MAN1A2: variants seen among roughly 807,000 people sequenced by gnomAD.
MAN1A2 encodes the protein mannosyl-oligosaccharide 1,2-alpha-mannosidase IB.
A neutral mutation model predicts 75.7 loss-of-function variants in MAN1A2; 26 were observed. That is an observed-to-expected ratio of 0.34 (90% CI 0.25 to 0.48). The LOEUF is 0.48. Ranked by LOEUF, MAN1A2 falls within the 20% of genes least tolerant of loss-of-function variation. The pLI is 0.99. For missense variants in MAN1A2, 562 were observed against 775.5 expected (o/e 0.72, Z 3.27); for synonymous variants, 247 against 264.6 (o/e 0.93, Z 0.65).
intron 8 of MAN1A2, among the ~76,000 whole-genome samples, chr1:117,467,846 G>C (rs1650028572): frequency 6.6e-6 from 1 of 151,904 alleles, no homozygotes; most frequent in Non-Finnish European, 1.5e-5. Context: ...ATTATGTTCA[G>C]TTCCTGTCTT....
At chr1:117,379,224 T>A (rs548288516) in intron 1 of MAN1A2, among the ~76,000 whole-genome samples, 169 of 152,204 alleles carry the variant, frequency 1.1e-3, no homozygotes, top group Non-Finnish European at 1.0e-3. Context: ...CCTGTGTGAC[T>A]TATTGAAGAG....
chr1:117,382,598 T>C (rs1281759077), intron 1 of MAN1A2, among the ~76,000 whole-genome samples: 6 of 152,214 alleles, frequency 3.9e-5, no homozygotes, highest in South Asian at 4.1e-4. Flanking sequence ...TGTAGTATAG[T>C]TTGAAGTCAG....
At position 117,482,168 on chromosome 1, in the gene MAN1A2, C is replaced by T. The variant is rs889458277; in HGVS notation, c.1169-10979C>T. 3.9e-5 allele frequency among the ~76,000 whole-genome samples: 6 copies of T among 151,906 alleles called. No individual in the cohort carries two copies. The South Asian group carries it at 1.0e-3, about 26-fold the overall frequency. The stretch of plus-strand genomic sequence containing the variant: ...TGTTGGTTTGCTGTACCCATCAACT[C>T]ATCATTTACAACTCACCGTATGTCT... On this transcript the variant is annotated intron_variant, in intron 8 of 12. Coordinates refer to ENST00000356554, the MANE Select transcript of MAN1A2 (RefSeq NM_006699.5).
intron 7 of MAN1A2, among the ~76,000 whole-genome samples, chr1:117,462,279 A>G (rs1203679051): frequency 6.6e-6 from 1 of 152,182 alleles, no homozygotes; most frequent in Non-Finnish European, 1.5e-5. Context: ...ACGTAGAAGC[A>G]TTGTTTATAT....
intron 8 of MAN1A2, among the ~76,000 whole-genome samples, chr1:117,466,873 C>T (rs1396395056): frequency 6.6e-6 from 1 of 152,042 alleles, no homozygotes; most frequent in Non-Finnish European, 1.5e-5. Flanking sequence ...TCATTATTTA[C>T]CAGTCTCTGT....
At chr1:117,370,803 TTAAC>T (rs1377476028) in intron 1 of MAN1A2, among the ~76,000 whole-genome samples, 8 of 151,150 alleles carry the variant, frequency 5.3e-5, no homozygotes, top group Non-Finnish European at 8.8e-5. Context: ...GAATGTTACT[TTAAC>T]TAATAAGTAA....
chr1:117,388,202 A>G (rs530134757), intron 1 of MAN1A2, among the ~76,000 whole-genome samples: 22 of 152,308 alleles, frequency 1.4e-4, no homozygotes, highest in Non-Finnish European at 2.6e-4. Context: ...AAGACAAATT[A>G]GAGACACTTG....
chr1:117,492,785 T>C (rs1235898493), intron 8 of MAN1A2, among the ~76,000 whole-genome samples: 1 of 152,082 alleles, frequency 6.6e-6, no homozygotes, highest in Non-Finnish European at 1.5e-5. Context: ...AGTTGAGCTT[T>C]CATATTTAGA....
chr1:117,431,012 G>C (rs944647339), intron 5 of MAN1A2, among the ~76,000 whole-genome samples: 44 of 130,720 alleles, frequency 3.4e-4, no homozygotes, highest in African/African-American at 1.1e-3. Context: ...GCTGGAGACC[G>C]GCCCGGCCAA....
chr1:117,435,724 A>G (rs1241287466), intron 5 of MAN1A2, among the ~76,000 whole-genome samples: 2 of 152,202 alleles, frequency 1.3e-5, no homozygotes, highest in African/African-American at 2.4e-5. Flanking sequence ...TATTTTTTCT[A>G]TTTTTGAAAC....
At chr1:117,480,685 GC>G (rs1173620477) in intron 8 of MAN1A2, among the ~76,000 whole-genome samples, 6 of 151,512 alleles carry the variant, frequency 4.0e-5, no homozygotes, top group Admixed American at 2.6e-4. Context: ...TCTAACAGTT[GC>G]CCTTGAATTT....
intron 6 of MAN1A2, among the ~76,000 whole-genome samples, chr1:117,457,302 G>C (rs61805793): frequency 6.6e-6 from 1 of 151,728 alleles, no homozygotes; most frequent in Non-Finnish European, 1.5e-5. Flanking sequence ...TGTTACTCAG[G>C]TTCTCTGAGT....
At chr1:117,440,533 T>C (rs1648996292) in intron 5 of MAN1A2, among the ~76,000 whole-genome samples, 2 of 152,170 alleles carry the variant, frequency 1.3e-5, no homozygotes, top group African/African-American at 4.8e-5. Context: ...TTTATATATT[T>C]ATAAATTAAG....
intron 8 of MAN1A2, among the ~76,000 whole-genome samples, chr1:117,486,506 T>G (rs1650705129): frequency 6.6e-6 from 1 of 152,002 alleles, no homozygotes; most frequent in Non-Finnish European, 1.5e-5. Flanking sequence ...AATTCTCCAC[T>G]TTAGTCAAAT....
chr1:117,428,947 C>T (rs1332489615), intron 5 of MAN1A2, among the ~76,000 whole-genome samples: 7 of 139,704 alleles, frequency 5.0e-5, no homozygotes, highest in Non-Finnish European at 9.3e-5. Context: ...GAGGACCCTG[C>T]GGCCTTCCGC....
In MAN1A2 at chr1:117,496,767, T is replaced by C. The variant is rs780738458; in HGVS notation, c.1289T>C (p.Ile430Thr). 2 of 1,607,136 alleles carry C rather than the reference T, an allele frequency of 1.2e-6. No individual in the cohort carries two copies. Among genetic ancestry groups the C allele is most frequent in the Non-Finnish European group, 1.7e-6 (2 of 1,174,704 alleles). ...AATATCTTTTCTTTCCTGTAGGCTATAGAAAAACATCTTATTAAGAAGTCT... is the reference window on the plus strand; with the variant it reads ...AATATCTTTTCTTTCCTGTAGGCTACAGAAAAACATCTTATTAAGAAGTCT... ...RKMYDDAIEA[I>T]EKHLIKKSRG... Residue 430 changes from isoleucine (I) to threonine (T), a missense_variant, in exon 10 of 13, where the codon ATA becomes ACA. Physicochemically the swap from Ile to Thr is moderately conservative, Grantham distance 89. Around this residue, in one of 2 missense-constraint regions of MAN1A2, gnomAD observed 434 missense variants for 645.7 expected, o/e 0.67. Coordinates refer to ENST00000356554, the MANE Select transcript of MAN1A2 (RefSeq NM_006699.5).
At chr1:117,451,956 C>G (rs1649431430) in intron 6 of MAN1A2, among the ~76,000 whole-genome samples, 1 of 151,928 alleles carries the variant, frequency 6.6e-6, no homozygotes. Context: ...CCACTGCACT[C>G]CAGCCTGGGG....
intron 8 of MAN1A2, among the ~76,000 whole-genome samples, chr1:117,492,713 C>G (rs1269874023): frequency 6.6e-6 from 1 of 151,942 alleles, no homozygotes; most frequent in Non-Finnish European, 1.5e-5. Context: ...TTAGGAATTA[C>G]CATTAACCAT....
intron 11 of MAN1A2, 45 bp downstream of exon 11, chr1:117,499,599 A>G (rs756555461): frequency 1.8e-5 from 27 of 1,466,620 alleles, no homozygotes; most frequent in Admixed American, 3.9e-5. Flanking sequence ...GTGTTAACTC[A>G]TGCCCTCCTA....
Sources: gnomAD v4.1 joint callset for allele counts (sites outside exome capture counted in the v4.1 genomes callset) on GRCh38, gnomAD v4.1.1 for gene constraint, gnomAD v4.1.1 regional missense constraint, MANE v1.5 for transcripts, NCBI Gene and HGNC (gene_info 2026-07-23, HGNC 2026-07-21) for gene names.